CORO2B: variants seen among roughly 807,000 people sequenced by gnomAD.
CORO2B encodes the protein coronin-2B.
CORO2B carries 26 observed loss-of-function variants against 58.8 expected under a neutral mutation model. The observed-to-expected ratio is 0.44, with a 90% CI of 0.32 to 0.61. The LOEUF is 0.61. Among genes scored for constraint, CORO2B ranks in the 20% least tolerant of loss-of-function variants. The pLI is 0.04. For missense variants in CORO2B, 460 were observed against 645.1 expected, an observed-to-expected ratio of 0.71 and a Z score of 3.11; for synonymous variants, 242 against 253.8, an observed-to-expected ratio of 0.95 and a Z score of 0.44.
At chr15:68,711,893 T>C (rs1892927869) in intron 5 of CORO2B, among the ~76,000 whole-genome samples, 187 bp downstream of exon 5, 1 of 152,086 alleles carries the variant, frequency 6.6e-6, no homozygotes, top group Admixed American at 6.6e-5. Flanking sequence ...TTGTTCTGGG[T>C]GGGGAGGGAC....
At chr15:68,707,049 C>T (rs1229164873) in intron 3 of CORO2B, among the ~76,000 whole-genome samples, 2 of 152,174 alleles carry the variant, frequency 1.3e-5, no homozygotes, top group East Asian at 3.9e-4. Flanking sequence ...CAAGCTCCAC[C>T]TCCCAGGTTC....
intron 2 of CORO2B, among the ~76,000 whole-genome samples, chr15:68,671,382 A>G (rs1485273670): frequency 6.6e-6 from 1 of 152,158 alleles, no homozygotes; most frequent in East Asian, 1.9e-4. Context: ...AGACCCACAT[A>G]TGAGCCAAAG....
intron 9 of CORO2B, 95 bp downstream of exon 9, chr15:68,718,905 G>C: frequency 8.8e-7 from 1 of 1,133,130 alleles, no homozygotes; most frequent in Non-Finnish European, 1.3e-6. Context: ...CCAGGTGAGA[G>C]ATGTGCTGTG....
At chr15:68,575,896 T>C (rs901659759), upstream of CORO2B, among the ~76,000 whole-genome samples, 3 of 151,428 alleles carry the variant, frequency 2.0e-5, no homozygotes, top group Non-Finnish European at 4.4e-5. Flanking sequence ...GGCTCACACC[T>C]GTAATCCCAA....
chr15:68,652,316 C>T (rs900335585), intron 2 of CORO2B, among the ~76,000 whole-genome samples: 2 of 152,188 alleles, frequency 1.3e-5, no homozygotes, highest in Non-Finnish European at 2.9e-5. Context: ...GAGCAATCAG[C>T]ACCCTGATTG....
chr15:68,705,565 T>G (rs1332855222), intron 3 of CORO2B, among the ~76,000 whole-genome samples: 1 of 152,176 alleles, frequency 6.6e-6, no homozygotes, highest in Non-Finnish European at 1.5e-5. Context: ...TTTATTCATC[T>G]GAGTCCCTCA....
In CORO2B at chr15:68,695,153, A is replaced by C. The variant is rs757765564; in HGVS notation, c.230A>C (p.Glu77Ala). The C allele has an allele frequency of 1.3e-5, 21 of 1,613,666 alleles. No homozygotes were observed. Among genetic ancestry groups the C allele is most frequent in the Non-Finnish European group, 1.5e-5 (18 of 1,179,828 alleles). Residue 77 changes from glutamate (E) to alanine (A), a missense_variant, in exon 3 of 12, where the codon GAA becomes GCA. Coordinates refer to ENST00000261861, the MANE Select transcript of CORO2B (RefSeq NM_006091.5). Reference sequence around the variant, plus strand: ...TCTCCTCTGCAGACAGGCAGGATTGAACCCAACTACCCCAAGGTCTGCGGC... The same window carrying C: ...TCTCCTCTGCAGACAGGCAGGATTGCACCCAACTACCCCAAGGTCTGCGGC... ...VIPLEQTGRIEPNYPKVCGHQ... is the reference protein window; with the variant it reads ...VIPLEQTGRIAPNYPKVCGHQ...
the CORO2B span, among the ~76,000 whole-genome samples, chr15:68,552,197 G>A: frequency 1.3e-5 from 2 of 152,032 alleles, no homozygotes; most frequent in African/African-American, 4.8e-5. Flanking sequence ...TTCTTCCAGG[G>A]GTACTTTAGT....
chr15:68,587,049 T>TACACACAC (rs58729813), intron 1 of CORO2B, among the ~76,000 whole-genome samples: 1,374 of 57,806 alleles, frequency 0.024, 17 homozygotes, highest in South Asian at 0.044. Context: ...GAGATATGTA[T>TACACACAC]ACACACACAC....
At chr15:68,583,678 G>T (rs1029367750) in intron 1 of CORO2B, among the ~76,000 whole-genome samples, 1 of 152,228 alleles carries the variant, frequency 6.6e-6, no homozygotes, top group African/African-American at 2.4e-5. Context: ...GGGGGATTAT[G>T]AGGCCCCTCT....
At chr15:68,699,260 T>C (rs1892585360) in intron 3 of CORO2B, among the ~76,000 whole-genome samples, 1 of 151,976 alleles carries the variant, frequency 6.6e-6, no homozygotes, top group African/African-American at 2.4e-5. Context: ...CAGCCCAACT[T>C]TGCAGCGAGA....
At chr15:68,579,407 T>C in intron 1 of CORO2B, 130 bp downstream of exon 1, 1 of 936,040 alleles carries the variant, frequency 1.1e-6, no homozygotes, top group Non-Finnish European at 1.3e-6. Flanking sequence ...CGCGCGCCTC[T>C]CTTGCTGCCG....
At chr15:68,638,938 T>C (rs1372053448) in intron 1 of CORO2B, among the ~76,000 whole-genome samples, 1 of 152,214 alleles carries the variant, frequency 6.6e-6, no homozygotes, top group Non-Finnish European at 1.5e-5. Context: ...AGGGACTCAC[T>C]AGGCCTCAGC....
intron 1 of CORO2B, among the ~76,000 whole-genome samples, chr15:68,608,643 G>A (rs74969906): frequency 0.024 from 3,691 of 152,264 alleles, 155 homozygotes; most frequent in African/African-American, 0.081. Context: ...ACTCCCCTCT[G>A]CTTCCCAGTT....
intron 1 of CORO2B, among the ~76,000 whole-genome samples, chr15:68,579,499 C>A (rs1343286981): frequency 1.3e-5 from 2 of 152,180 alleles, no homozygotes; most frequent in Non-Finnish European, 1.5e-5. Flanking sequence ...GCGGTTTGGC[C>A]AACATCCCTC....
intron 2 of CORO2B, among the ~76,000 whole-genome samples, chr15:68,690,709 G>C (rs2140309594): frequency 6.7e-6 from 1 of 148,700 alleles, no homozygotes; most frequent in Non-Finnish European, 1.5e-5. Context: ...GAAGAGAGTG[G>C]CATGATCATG....
At chr15:68,603,444 G>A (rs1361476580) in intron 1 of CORO2B, among the ~76,000 whole-genome samples, 2 of 152,170 alleles carry the variant, frequency 1.3e-5, no homozygotes, top group Non-Finnish European at 2.9e-5. Flanking sequence ...CAGCAACAGT[G>A]CGAGGTCATC....
intron 1 of CORO2B, among the ~76,000 whole-genome samples, chr15:68,642,008 A>T (rs997841059): frequency 1.4e-5 from 2 of 144,800 alleles, no homozygotes; most frequent in East Asian, 4.1e-4. Context: ...GGATTACAAG[A>T]GTGACTCACC....
At chr15:68,551,521 C>T in the CORO2B span, among the ~76,000 whole-genome samples, 79 of 152,140 alleles carry the variant, frequency 5.2e-4, no homozygotes, top group African/African-American at 1.9e-3. Context: ...AGTGAATCTC[C>T]TCAACACTTG....
Sources: allele counts gnomAD v4.1 joint callset (sites outside exome capture counted in the v4.1 genomes callset), GRCh38; gene constraint gnomAD v4.1.1; transcripts MANE v1.5; gene names NCBI Gene and HGNC (gene_info 2026-07-23, HGNC 2026-07-21).